Variants in RAB38 observed in about 807,000 individuals in gnomAD.
RAB38 encodes the protein RAB38, member RAS oncogene family.
A neutral mutation model predicts 18.4 loss-of-function variants in RAB38; 15 were observed. The ratio of observed to expected loss-of-function variants is 0.82; its 90% confidence interval spans 0.55 to 1.26. The LOEUF (loss-of-function observed/expected upper bound fraction) is 1.26, where lower values mean the gene tolerates loss of function less well. Ranked by LOEUF, RAB38 falls within the 50% of genes most tolerant of loss-of-function variation. The pLI is 0.00. For synonymous variants in RAB38, 101 were observed against 104.4 expected (o/e 0.97, Z 0.20); for missense variants, 294 against 267.4 (o/e 1.10, Z -0.69).
chr11:87,861,109 GGACAA>G, the RAB38 span, among the ~76,000 whole-genome samples: 1 of 151,794 alleles, frequency 6.6e-6, no homozygotes, highest in South Asian at 2.1e-4. Flanking sequence ...TTGTAAGAAG[GGACAA>G]GACAATATTG....
At chr11:88,042,030 G>C in the RAB38 span, among the ~76,000 whole-genome samples, 1 of 152,060 alleles carries the variant, frequency 6.6e-6, no homozygotes, top group South Asian at 2.1e-4. Flanking sequence ...AAGGAAATTG[G>C]GGTTTAGGGA....
At chr11:88,166,829 A>G (rs1943251029) in intron 1 of RAB38, 1 of 152,180 alleles carries the variant, frequency 6.6e-6, no homozygotes, top group South Asian at 2.1e-4. Context: ...ACTTTTATAT[A>G]TTAATGTTTA....
chr11:87,926,199 T>C, the RAB38 span, among the ~76,000 whole-genome samples: 2 of 152,026 alleles, frequency 1.3e-5, no homozygotes, highest in African/African-American at 2.4e-5. Context: ...GTCAACCTTA[T>C]GATTTTACCC....
chr11:88,056,832 A>ATAC, the RAB38 span, among the ~76,000 whole-genome samples: 79 of 45,552 alleles, frequency 1.7e-3, no homozygotes, highest in Non-Finnish European at 7.5e-4. Context: ...TAAATAAATA[A>ATAC]ATACATACAT....
the RAB38 span, among the ~76,000 whole-genome samples, chr11:88,010,121 G>A: frequency 1.3e-5 from 2 of 152,226 alleles, no homozygotes; most frequent in South Asian, 2.1e-4. Flanking sequence ...GTGACATCAT[G>A]TTGCCATCAA....
At chr11:87,828,993 G>A in the RAB38 span, among the ~76,000 whole-genome samples, 1 of 152,156 alleles carries the variant, frequency 6.6e-6, no homozygotes, top group Non-Finnish European at 1.5e-5. Context: ...AAAACTCGAA[G>A]GGAATTAATC....
At chr11:88,008,569 A>G in the RAB38 span, among the ~76,000 whole-genome samples, 2 of 152,240 alleles carry the variant, frequency 1.3e-5, no homozygotes, top group African/African-American at 4.8e-5. Flanking sequence ...AGTTTGAAAA[A>G]TACTGAATTT....
At chr11:88,150,079 C>G (rs1472729069) in intron 1 of RAB38, 124 bp from the exon 2 acceptor site, 15 of 1,008,758 alleles carry the variant, frequency 1.5e-5, no homozygotes, top group Middle Eastern at 2.8e-4. Context: ...TACTGATAAT[C>G]TTTAAAGAGC....
At chr11:87,930,014 G>A in the RAB38 span, among the ~76,000 whole-genome samples, 32 of 152,040 alleles carry the variant, frequency 2.1e-4, no homozygotes, top group Middle Eastern at 3.4e-3. Context: ...GAATAGTGCC[G>A]CAATAAACAT....
intron 2 of RAB38, among the ~76,000 whole-genome samples, chr11:88,119,081 C>T (rs531487129): frequency 3.9e-5 from 6 of 152,270 alleles, no homozygotes; most frequent in African/African-American, 9.6e-5. Flanking sequence ...TAAAATAGAT[C>T]CTAGGATATT....
chr11:87,977,290 A>G, the RAB38 span, among the ~76,000 whole-genome samples: 1 of 130,676 alleles, frequency 7.7e-6, no homozygotes, highest in South Asian at 2.4e-4. Context: ...ATATAATTAT[A>G]TTATACAAGT....
the RAB38 span, among the ~76,000 whole-genome samples, chr11:88,027,444 G>T: frequency 6.6e-6 from 1 of 152,152 alleles, no homozygotes; most frequent in South Asian, 2.1e-4. Context: ...GAAGCACAAG[G>T]GGTCAGGGAG....
the RAB38 span, among the ~76,000 whole-genome samples, chr11:87,939,983 A>C: frequency 1.3e-5 from 2 of 152,198 alleles, no homozygotes; most frequent in East Asian, 3.9e-4. Context: ...AAATCCAAAA[A>C]AGAAATATTA....
the RAB38 span, among the ~76,000 whole-genome samples, chr11:87,811,910 T>C: frequency 6.6e-6 from 1 of 152,218 alleles, no homozygotes; most frequent in Admixed American, 6.5e-5. Context: ...CAATTTCAAA[T>C]AGTAGCTTTT....
downstream of RAB38, among the ~76,000 whole-genome samples, chr11:88,110,384 C>T (rs1942457346): frequency 6.6e-6 from 1 of 151,716 alleles, no homozygotes; most frequent in South Asian, 2.1e-4. Context: ...GGGTGGGGGG[C>T]CAGGGAAGGG....
chr11:87,837,540 G>T, the RAB38 span, among the ~76,000 whole-genome samples: 1 of 152,188 alleles, frequency 6.6e-6, no homozygotes, highest in African/African-American at 2.4e-5. Flanking sequence ...TATGGTATAA[G>T]TGTCATAAAC....
At chr11:88,112,881 C>A (rs1454112012), downstream of RAB38, among the ~76,000 whole-genome samples, 3 of 151,900 alleles carry the variant, frequency 2.0e-5, no homozygotes, top group African/African-American at 4.8e-5. Flanking sequence ...ATAATAGCTA[C>A]CTGCACGTGT....
In RAB38 at chr11:88,114,013, C is replaced by T. The variant is rs779960538; in HGVS notation, c.611G>A (p.Ser204Asn). 1.6e-5 allele frequency: 26 copies of T among 1,614,162 alleles called. No individual in the cohort carries two copies. Among genetic ancestry groups the T allele is most frequent in the Middle Eastern group, 1.6e-4 (1 of 6,062 alleles). ...CTAGGATTTGGCACAGCCAGAGCAG[C>T]TGGCAACCTTGGTTGATGTGAGATG... ...KPHLTSTKVA[S>N]CSGCAKS Residue 204 changes from serine to asparagine, a missense_variant, in exon 3 of 3, where the codon AGC (serine) becomes AAC (asparagine). Coordinates refer to ENST00000243662, the MANE Select transcript of RAB38 (RefSeq NM_022337.3).
At chr11:87,915,188 G>A in the RAB38 span, among the ~76,000 whole-genome samples, 196 of 152,262 alleles carry the variant, frequency 1.3e-3, no homozygotes, top group African/African-American at 4.6e-3. Context: ...CATGTGAGCT[G>A]TGCCTAGCAA....
Sources: allele counts gnomAD v4.1 joint callset (sites outside exome capture counted in the v4.1 genomes callset), GRCh38; gene constraint gnomAD v4.1.1; transcripts MANE v1.5; gene names NCBI Gene and HGNC (gene_info 2026-07-23, HGNC 2026-07-21).